Variants in SECISBP2 observed in about 807,000 individuals in gnomAD.
SECISBP2 encodes the protein SECIS binding protein 2.
SECISBP2 carries 96 observed loss-of-function variants against 98.2 expected under a neutral mutation model. The ratio of observed to expected loss-of-function variants is 0.98; its 90% CI spans 0.83 to 1.16. SECISBP2 has a LOEUF of 1.16. SECISBP2 is among the 50% of genes most tolerant of loss of function. SECISBP2 has a pLI of 0.00. For missense variants in SECISBP2, 1,046 were observed against 1,022.9 expected (o/e 1.02, Z -0.31); for synonymous variants, 407 against 370.2 (o/e 1.10, Z -1.14).
At chr9:89,345,030 G>C (rs1421348691) in intron 10 of SECISBP2, among the ~76,000 whole-genome samples, 1 of 152,206 alleles carries the variant, frequency 6.6e-6, no homozygotes, top group Non-Finnish European at 1.5e-5. Flanking sequence ...TTTGGTATTA[G>C]TGACACAAGC....
intron 1 of SECISBP2, 176 bp downstream of exon 1, chr9:89,318,788 G>T (rs1037195058): frequency 1.6e-6 from 2 of 1,251,424 alleles, no homozygotes; most frequent in South Asian, 2.2e-5. Flanking sequence ...GGTCCGCCTT[G>T]GGGTGGCGGT....
Position 89,337,348 on chromosome 9 carries a change from TTCTG to T in SECISBP2, c.1090-1108_1090-1105del, listed in dbSNP as rs745637177. On this transcript the variant is annotated intron_variant, in intron 7 of 16. Transcript: ENST00000375807. ...GATCAGAATGGTTTTTTTAGAAACT[TTCTG>T]TATTGTGAAATTTTATTACAGAAAT... Among the ~76,000 whole-genome samples the T allele has an allele frequency of 1.3e-3, 203 of 152,344 alleles. 1 individual carries two copies. Among genetic ancestry groups the T allele is most frequent in the Non-Finnish European group, 2.4e-3 (165 of 68,036 alleles).
chr9:89,343,727 T>C (rs1434841904), intron 10 of SECISBP2, among the ~76,000 whole-genome samples: 1 of 152,264 alleles, frequency 6.6e-6, no homozygotes, highest in Non-Finnish European at 1.5e-5. Flanking sequence ...ACATTTTCTT[T>C]ATCCAGTGTA....
chr9:89,356,090 G>C (rs1414431578), intron 14 of SECISBP2, among the ~76,000 whole-genome samples: 1 of 152,198 alleles, frequency 6.6e-6, no homozygotes, highest in African/African-American at 2.4e-5. Context: ...TCTGGGGCCT[G>C]TTAGGAACTG....
At chr9:89,355,405 A>G (rs1375514518) in intron 14 of SECISBP2, 1 of 984,876 alleles carries the variant, frequency 1.0e-6, no homozygotes, top group Non-Finnish European at 1.2e-6. Context: ...AGGAGTTTTT[A>G]TTAGCAGTTT....
At chr9:89,321,906 T>C (rs1825876803) in intron 2 of SECISBP2, among the ~76,000 whole-genome samples, 1 of 152,216 alleles carries the variant, frequency 6.6e-6, no homozygotes, top group South Asian at 2.1e-4. Flanking sequence ...TCAGATTACA[T>C]GTAAATGGAG....
intron 1 of SECISBP2, chr9:89,318,918 T>G: frequency 8.2e-7 from 1 of 1,215,266 alleles, no homozygotes; most frequent in Non-Finnish European, 1.0e-6. Context: ...TCTGGCGAGC[T>G]TCCCGCGCTC....
intron 14 of SECISBP2, among the ~76,000 whole-genome samples, chr9:89,353,496 G>A (rs569596139): frequency 6.6e-6 from 1 of 152,278 alleles, no homozygotes; most frequent in Non-Finnish European, 1.5e-5. Flanking sequence ...GCTGGACACC[G>A]AGTTGCCTCT....
chr9:89,362,391 C>T (rs777861625), downstream of SECISBP2: 64 of 1,613,980 alleles, frequency 4.0e-5, no homozygotes, highest in Non-Finnish European at 5.2e-5. Flanking sequence ...TCAGGGACTC[C>T]TTCCTGGTGG....
chr9:89,349,624 TCTGC>T, intron 12 of SECISBP2, 148 bp from the exon 13 acceptor site: 2 of 838,208 alleles, frequency 2.4e-6, no homozygotes, highest in Non-Finnish European at 3.9e-6. Context: ...GTCTGTTTTT[TCTGC>T]CTTCTGTAAA....
chr9:89,325,325 G>C, intron 2 of SECISBP2, 102 bp from the exon 3 acceptor site: 1 of 1,107,988 alleles, frequency 9.0e-7, no homozygotes, highest in Non-Finnish European at 1.3e-6. Flanking sequence ...AGAGTGAATG[G>C]TCTCAGAAAT....
rs745855981 is a variant in SECISBP2 at position 89,358,080 on chromosome 9, CTGGTGGGAGA to C, written c.2351_2360del (p.Leu784ArgfsTer26). Reference sequence around the variant, plus strand: ...CATGCTGGAGAATGTGCAGCAGGAGCTGGTGGGAGAGCCCAGGCCTCAGGCACCTCCCAGC... The same window carrying C: ...CATGCTGGAGAATGTGCAGCAGGAGCGCCCAGGCCTCAGGCACCTCCCAGC... On this transcript the variant is annotated frameshift_variant, in exon 16 of 17. Coordinates refer to ENST00000375807, the MANE Select transcript of SECISBP2 (RefSeq NM_024077.5). LOFTEE classifies it high-confidence loss of function. 59 of 1,613,726 alleles carry C rather than the reference CTGGTGGGAGA, an allele frequency of 3.7e-5. No individual in the cohort carries two copies. Among genetic ancestry groups the C allele is most frequent in the Non-Finnish European group, 3.3e-5 (39 of 1,180,008 alleles).
At chr9:89,328,411 T>C (rs768921698) in intron 4 of SECISBP2, among the ~76,000 whole-genome samples, 2 of 152,248 alleles carry the variant, frequency 1.3e-5, no homozygotes, top group Admixed American at 6.5e-5. Flanking sequence ...TGACTATACA[T>C]ACTCCTAAAT....
intron 10 of SECISBP2, 59 bp downstream of exon 10, chr9:89,341,538 A>G: frequency 6.3e-7 from 1 of 1,596,544 alleles, no homozygotes. Context: ...CTAGATTATT[A>G]TGTTACCATT....
chr9:89,318,542 G>T lies in SECISBP2; in HGVS notation c.-35G>T. ...CCGGCAAGCCGACGGCCCGCTGCTG[G>T]CCTCCGTGACGCGGCCTCCTCCGCG... On this transcript the variant is annotated 5_prime_UTR_variant, in exon 1 of 17. Coordinates refer to ENST00000375807, the MANE Select transcript of SECISBP2 (RefSeq NM_024077.5). 4 of 1,511,928 alleles carry T rather than the reference G, an allele frequency of 2.6e-6. No homozygotes were observed. The highest frequency in any genetic ancestry group is 3.5e-6 in the Non-Finnish European group (4 of 1,135,704). The allele number at this position is 1,511,928 out of a possible 1,614,324, so 93.7% of individuals were successfully genotyped here. A position where few individuals can be genotyped will look rare whatever the true frequency, so the allele number is the denominator to read the frequency against.
chr9:89,325,387 A>T, intron 2 of SECISBP2, 40 bp from the exon 3 acceptor site: 1 of 1,601,970 alleles, frequency 6.2e-7, no homozygotes, highest in Non-Finnish European at 8.5e-7. Context: ...CTTGGTTTGC[A>T]GTATGAAATC....
At chr9:89,347,118 C>A in intron 11 of SECISBP2, 70 bp downstream of exon 11, 1 of 1,503,020 alleles carries the variant, frequency 6.7e-7, no homozygotes, top group Non-Finnish European at 9.1e-7. Context: ...GTTATTCTCC[C>A]AGCTCTTAGA....
chr9:89,358,827 G>T lies in SECISBP2; in HGVS notation c.*3G>T. Reference sequence around the variant, plus strand: ...AAATGATGAATTTGAATTTATGAGAGTTCTTGCCTGTGTGTCTGTATTTTG... The same window carrying T: ...AAATGATGAATTTGAATTTATGAGATTTCTTGCCTGTGTGTCTGTATTTTG... On this transcript the variant is annotated 3_prime_UTR_variant, in exon 17 of 17. Coordinates refer to ENST00000375807, the MANE Select transcript of SECISBP2 (RefSeq NM_024077.5). 6.3e-7 allele frequency: 1 copy of T among 1,591,586 alleles called. No homozygotes were observed. Among genetic ancestry groups the T allele is most frequent in the Non-Finnish European group, 8.6e-7 (1 of 1,159,840 alleles).
chr9:89,332,863 T>C (rs1466663014), intron 5 of SECISBP2, 45 bp from the exon 6 acceptor site: 2 of 1,469,390 alleles, frequency 1.4e-6, no homozygotes, highest in African/African-American at 2.8e-5. Flanking sequence ...TCTCCTTGTT[T>C]TAATTTGCAT....
Sources: allele counts gnomAD v4.1 joint callset (sites outside exome capture counted in the v4.1 genomes callset), GRCh38; gene constraint gnomAD v4.1.1; transcripts MANE v1.5; gene names NCBI Gene and HGNC (gene_info 2026-07-23, HGNC 2026-07-21).